Variants in APCDD1 observed in about 807,000 individuals in gnomAD.
The protein encoded by APCDD1 is protein APCDD1.
APCDD1 carries 15 observed loss-of-function variants against 38.1 expected under a neutral mutation model. That is an observed-to-expected ratio of 0.39 (90% confidence interval 0.26 to 0.61). The LOEUF (loss-of-function observed/expected upper bound fraction) is 0.61, where lower values mean the gene tolerates loss of function less well. Among genes scored for constraint, APCDD1 ranks in the 20% least tolerant of loss-of-function variants. The pLI is 0.49. For missense variants in APCDD1, 647 were observed against 696.2 expected (o/e 0.93, Z 0.79); for synonymous variants, 261 against 279.7 (o/e 0.93, Z 0.67).
chr18:10,485,200 T>C lies in APCDD1; in HGVS notation c.775-262T>C, dbSNP rs1244118963. ...GAAATCAAGTGTCCAGTGCATGTGG[T>C]CTGAAAACTTAATAGGATTCTAAAG... On this transcript the variant is annotated intron_variant, in intron 3 of 4. Coordinates refer to ENST00000355285, the MANE Select transcript of APCDD1 (RefSeq NM_153000.5). The surrounding 1 kb of genome is among the most constrained non-coding windows in gnomAD (Gnocchi z 5.8). Among the ~76,000 whole-genome samples, 1 of 152,194 alleles carries C rather than the reference T, an allele frequency of 6.6e-6. No homozygotes were observed. Among genetic ancestry groups the C allele is most frequent in the African/African-American group, 2.4e-5 (1 of 41,452 alleles).
chr18:10,478,328 G>C (rs960216323), intron 3 of APCDD1, among the ~76,000 whole-genome samples: 3 of 152,328 alleles, frequency 2.0e-5, no homozygotes, highest in Admixed American at 1.3e-4. Flanking sequence ...GCAGCTGCAC[G>C]GGGTCTGTAC....
Position 10,454,749 on chromosome 18 carries a change from G to C in APCDD1, c.-233G>C. ...CGGAGAAGTCGGGGCGGGCGGCAGA[G>C]AGGCCGGGACGCGGACCGGGCCGGG... On this transcript the variant is annotated 5_prime_UTR_variant, in exon 1 of 5. Transcript: ENST00000355285. 1 of 981,208 alleles carries C rather than the reference G, an allele frequency of 1.0e-6. No homozygotes were observed. Among genetic ancestry groups the C allele is most frequent in the Non-Finnish European group, 1.2e-6 (1 of 828,484 alleles). 60.8% of individuals were successfully genotyped at this position (981,208 alleles called of 1,614,324 possible).
At position 10,468,573 on chromosome 18, in the gene APCDD1, A is replaced by G. The variant is rs375027558; in HGVS notation, c.163A>G (p.Met55Val). ...TTTTAAGGAGTCACAGTGCCATCAC[A>G]TGCTCAAACATCTCCACAATGGTGC... ...RAFKESQCHH[M>V]LKHLHNGARI... The change falls in exon 2 of 5, where the codon ATG becomes GTG. Residue 55 changes from methionine (M) to valine (V), a missense_variant. Coordinates refer to ENST00000355285, the MANE Select transcript of APCDD1 (RefSeq NM_153000.5). 2.2e-5 allele frequency: 36 copies of G among 1,614,046 alleles called. No homozygotes were observed. Among genetic ancestry groups the G allele is most frequent in the Non-Finnish European group, 2.9e-5 (34 of 1,180,040 alleles).
At chr18:10,478,113 T>G (rs1281131198) in intron 3 of APCDD1, among the ~76,000 whole-genome samples, 1 of 152,136 alleles carries the variant, frequency 6.6e-6, no homozygotes, top group Non-Finnish European at 1.5e-5. Flanking sequence ...TGCAGAAGTG[T>G]TTGGTTGAGT....
At position 10,475,764 on chromosome 18, in the gene APCDD1, G is replaced by T. The variant is rs1016010057; in HGVS notation, c.774+3703G>T. ...TGGAAGGAGGACCCAGGCTTCCTGA[G>T]CCAGCCTAGCTGCCTCGCAAGATGG... On this transcript the variant is annotated intron_variant, in intron 3 of 4. Transcript: ENST00000355285. This position sits in a 1 kb window ranked among gnomAD's most constrained non-coding sequence, Gnocchi z 4.0. 4 of 140,906 alleles carry T rather than the reference G, an allele frequency of 2.8e-5. No individual in the cohort carries two copies. The highest frequency in any genetic ancestry group is 1.1e-4 in the African/African-American group (4 of 37,670). The allele number at this position is 140,906 out of a possible 1,614,324, so 8.7% of individuals were successfully genotyped here.
rs556931254 is a variant in APCDD1 at position 10,468,552 on chromosome 18, A to G, written c.142A>G (p.Lys48Glu). 4 of 1,614,170 alleles carry G rather than the reference A, an allele frequency of 2.5e-6. No individual in the cohort carries two copies. The African/African-American group carries it at 4.0e-5, about 16-fold the overall frequency. ...SLEKSAWRAF[K>E]ESQCHHMLKH... ...AGAGAAAAGTGCCTGGAGGGCTTTT[A>G]AGGAGTCACAGTGCCATCACATGCT... The change falls in exon 2 of 5, where the codon AAG (lysine) becomes GAG (glutamate). Residue 48 changes from lysine (K) to glutamate (E), a missense_variant. Coordinates refer to ENST00000355285, the MANE Select transcript of APCDD1 (RefSeq NM_153000.5).
Position 10,488,077 on chromosome 18 carries a change from T to G in APCDD1, c.*39T>G. On this transcript the variant is annotated 3_prime_UTR_variant, in exon 5 of 5. Coordinates refer to ENST00000355285, the MANE Select transcript of APCDD1 (RefSeq NM_153000.5). ...TTCTATTTTTCCAAACCAGGATTCC[T>G]TACTATTGACAGATTTGCTTTACCA... is the stretch of plus-strand genomic sequence containing the variant. 6.2e-7 allele frequency: 1 copy of G among 1,608,212 alleles called. No individual in the cohort carries two copies. Among genetic ancestry groups the G allele is most frequent in the Non-Finnish European group, 8.5e-7 (1 of 1,178,314 alleles).
Position 10,467,365 on chromosome 18 carries a change from A to C in APCDD1, c.59-1104A>C, listed in dbSNP as rs2030740455. On this transcript the variant is annotated intron_variant, in intron 1 of 4. Coordinates refer to ENST00000355285, the MANE Select transcript of APCDD1 (RefSeq NM_153000.5). The surrounding 1 kb of genome is among the most constrained non-coding windows in gnomAD (Gnocchi z 4.8). ...ATTTTATTTATTTTGTATATTTAAA[A>C]AAAGTTTGTACAGTTGTCTAACTAG... Among the ~76,000 whole-genome samples, 1 of 152,252 alleles carries C rather than the reference A, an allele frequency of 6.6e-6. No homozygotes were observed. Among genetic ancestry groups the C allele is most frequent in the Admixed American group, 6.5e-5 (1 of 15,292 alleles).
At chr18:10,474,037 G>T (rs1223217379) in intron 3 of APCDD1, 1 of 151,018 alleles carries the variant, frequency 6.6e-6, no homozygotes, top group Non-Finnish European at 1.5e-5. Context: ...TGATTCTCCT[G>T]CCTCAGCCTC....
intron 3 of APCDD1, among the ~76,000 whole-genome samples, chr18:10,481,302 C>T (rs1019462704): frequency 1.3e-5 from 2 of 152,142 alleles, no homozygotes; most frequent in African/African-American, 2.4e-5. Flanking sequence ...AAATGTCCAT[C>T]GACAGATGAA....
rs992365710 is a variant in APCDD1, at chr18:10,467,968, G to A, written c.59-501G>A. ...CTGCCCAGGCTGCAGTTTCATTGAG[G>A]CTGGTCTCCTTGTTCTTTCCTTTCC... On this transcript the variant is annotated intron_variant, in intron 1 of 4. Transcript: ENST00000355285. This position sits in a 1 kb window ranked among gnomAD's most constrained non-coding sequence, Gnocchi z 4.8. 5.3e-5 allele frequency among the ~76,000 whole-genome samples: 8 copies of A among 152,190 alleles called. No individual in the cohort carries two copies. The highest frequency in any genetic ancestry group is 1.7e-4 in the African/African-American group (7 of 41,432).
At chr18:10,479,335 C>T (rs767039853) in intron 3 of APCDD1, among the ~76,000 whole-genome samples, 16 of 152,206 alleles carry the variant, frequency 1.1e-4, no homozygotes, top group Non-Finnish European at 2.4e-4. Context: ...AGGAACACTG[C>T]TTTTGAAGGC....
intron 1 of APCDD1, among the ~76,000 whole-genome samples, chr18:10,466,754 C>A (rs1203685418): frequency 2.6e-5 from 4 of 152,170 alleles, no homozygotes; most frequent in African/African-American, 9.7e-5. Flanking sequence ...TGAATAATAA[C>A]AACACTAGGC....
At chr18:10,484,601 G>A (rs1265119332) in intron 3 of APCDD1, among the ~76,000 whole-genome samples, 1 of 151,966 alleles carries the variant, frequency 6.6e-6, no homozygotes, top group Non-Finnish European at 1.5e-5. Context: ...TCCAGCTCCT[G>A]CAACCACCAT....
At chr18:10,462,766 A>C (rs2030604181) in intron 1 of APCDD1, among the ~76,000 whole-genome samples, 1 of 151,318 alleles carries the variant, frequency 6.6e-6, no homozygotes, top group East Asian at 2.0e-4. Flanking sequence ...TGCCTCTCCA[A>C]CACTACACAA....
intron 3 of APCDD1, among the ~76,000 whole-genome samples, chr18:10,478,059 G>T (rs193015609): frequency 7.3e-4 from 111 of 152,270 alleles, no homozygotes; most frequent in Admixed American, 6.6e-3. Flanking sequence ...GAAGGCTAAT[G>T]TTGCTCTTAA....
rs2031146903 is a variant in APCDD1 at position 10,481,834 on chromosome 18, C to T, written c.775-3628C>T. 2.0e-5 allele frequency among the ~76,000 whole-genome samples: 3 copies of T among 150,802 alleles called. No homozygotes were observed. In the South Asian group the frequency reaches 6.3e-4, roughly 32 times the overall value. On this transcript the variant is annotated intron_variant, in intron 3 of 4. Transcript: ENST00000355285. Reference sequence around the variant, plus strand: ...TGTGCTCTCCACAAGACAAAAAAAACAAACAAAAACACAAAAACCGTGCCT... The same window carrying T: ...TGTGCTCTCCACAAGACAAAAAAAATAAACAAAAACACAAAAACCGTGCCT...
At chr18:10,479,448 A>C (rs1183931279) in intron 3 of APCDD1, among the ~76,000 whole-genome samples, 1 of 152,254 alleles carries the variant, frequency 6.6e-6, no homozygotes, top group Non-Finnish European at 1.5e-5. Flanking sequence ...AGATACTGTC[A>C]GCAGATGTTG....
intron 3 of APCDD1, among the ~76,000 whole-genome samples, chr18:10,481,187 C>T (rs1041531350): frequency 6.6e-6 from 1 of 152,178 alleles, no homozygotes; most frequent in Non-Finnish European, 1.5e-5. Flanking sequence ...AATTGATCCA[C>T]CTATTCTCCT....
Sources: gnomAD v4.1 joint callset for allele counts (sites outside exome capture counted in the v4.1 genomes callset) on GRCh38, gnomAD v4.1.1 for gene constraint, Gnocchi (gnomAD v3.1) non-coding constraint, MANE v1.5 for transcripts, NCBI Gene and HGNC (gene_info 2026-07-23, HGNC 2026-07-21) for gene names.